RTF2: variants seen among roughly 807,000 people sequenced by gnomAD.
The protein encoded by RTF2 is replication termination factor 2.
RTF2 carries 18 observed loss-of-function variants against 38.0 expected under a neutral mutation model. The observed-to-expected ratio is 0.47, with a 90% CI of 0.33 to 0.70. The LOEUF (loss-of-function observed/expected upper bound fraction) is 0.70, where lower values mean the gene tolerates loss of function less well. RTF2 is among the 30% of genes least tolerant of loss of function. The pLI is 0.02. For missense variants in RTF2, 311 were observed against 379.6 expected (o/e 0.82, Z 1.50); for synonymous variants, 126 against 137.1 (o/e 0.92, Z 0.57).
At chr20:56,513,684 C>A in intron 6 of RTF2, 2 of 371,300 alleles carry the variant, frequency 5.4e-6, no homozygotes, top group South Asian at 2.9e-5. Flanking sequence ...TGCGAGGGCA[C>A]GGAGCTGTCA....
chr20:56,479,385 C>T (rs1324909376), intron 4 of RTF2, among the ~76,000 whole-genome samples: 1 of 152,058 alleles, frequency 6.6e-6, no homozygotes, highest in Non-Finnish European at 1.5e-5. Context: ...GCCACCGTGC[C>T]CAGCTAATGT....
rs138206274 is a variant in RTF2, at chr20:56,513,138, C to T, written c.478-177C>T. Among the ~76,000 whole-genome samples the T allele has an allele frequency of 4.1e-3, 624 of 152,314 alleles. 4 individuals carry two copies. The highest frequency in any genetic ancestry group is 0.014 in the African/African-American group (583 of 41,570). On this transcript the variant is annotated intron_variant, in intron 5 of 8. Coordinates refer to ENST00000357348, the MANE Select transcript of RTF2 (RefSeq NM_016407.5). ...AAGTGATAGCACTCTTAACCTGCTA[C>T]GCTGACACTTTGCTGTGTGCGGGAA...
chr20:56,474,363 C>G (rs1982128590), intron 2 of RTF2, among the ~76,000 whole-genome samples: 1 of 152,130 alleles, frequency 6.6e-6, no homozygotes, highest in Non-Finnish European at 1.5e-5. Flanking sequence ...CGCCTGTAAT[C>G]CCAGCTGCTC....
intron 5 of RTF2, among the ~76,000 whole-genome samples, chr20:56,484,604 C>T (rs1311515395): frequency 6.6e-6 from 1 of 152,236 alleles, no homozygotes; most frequent in East Asian, 1.9e-4. Flanking sequence ...TGCTTCCCCA[C>T]CGGACTTAGT....
At chr20:56,483,356 A>T (rs200444139) in intron 4 of RTF2, among the ~76,000 whole-genome samples, 1 of 130,966 alleles carries the variant, frequency 7.6e-6, no homozygotes, top group Non-Finnish European at 1.7e-5. Context: ...TTTTTTTTTT[A>T]AAGCGACAAG....
chr20:56,499,342 G>A lies in RTF2; in HGVS notation c.478-13973G>A, dbSNP rs564775407. On this transcript the variant is annotated intron_variant, in intron 5 of 8. Transcript: ENST00000357348. ...CTCCCAGGTGCATGCCACCATGCCCGGCTAATTTTTGTATTTTTTTAGTAG... is the reference window on the plus strand; with the variant it reads ...CTCCCAGGTGCATGCCACCATGCCCAGCTAATTTTTGTATTTTTTTAGTAG... Among the ~76,000 whole-genome samples, 8 of 151,658 alleles carry A rather than the reference G, an allele frequency of 5.3e-5. No homozygotes were observed. In the East Asian group the frequency reaches 1.4e-3, roughly 26 times the overall value.
intron 5 of RTF2, chr20:56,496,879 TCTTG>T: frequency 6.4e-7 from 1 of 1,551,796 alleles, no homozygotes; most frequent in African/African-American, 1.4e-5. Flanking sequence ...CTTTGACTTG[TCTTG>T]GATTTAATGT....
intron 5 of RTF2, among the ~76,000 whole-genome samples, chr20:56,509,543 G>A (rs1984500186): frequency 6.6e-6 from 1 of 151,692 alleles, no homozygotes; most frequent in Non-Finnish European, 1.5e-5. Context: ...AACCCAGGAG[G>A]TGGAGGTTGC....
At chr20:56,497,174 C>T (rs6099172) in intron 5 of RTF2, 1 of 1,551,080 alleles carries the variant, frequency 6.4e-7, no homozygotes, top group Non-Finnish European at 8.7e-7. Context: ...TCATTGGGGC[C>T]TTTTCATCAA....
At chr20:56,492,864 C>T (rs1460003513) in intron 5 of RTF2, among the ~76,000 whole-genome samples, 1 of 136,400 alleles carries the variant, frequency 7.3e-6, no homozygotes. Context: ...TCACACCAGC[C>T]CAGTAATCCT....
Position 56,508,756 on chromosome 20 carries a change from G to A in RTF2, c.478-4559G>A, listed in dbSNP as rs550356249. Reference sequence around the variant, plus strand: ...CATTGATTTTTGACAAAAGGGCCAAGTCAATTCGATGGGGGAAAGAATAGT... The same window carrying A: ...CATTGATTTTTGACAAAAGGGCCAAATCAATTCGATGGGGGAAAGAATAGT... On this transcript the variant is annotated intron_variant, in intron 5 of 8. Coordinates refer to ENST00000357348, the MANE Select transcript of RTF2 (RefSeq NM_016407.5). Among the ~76,000 whole-genome samples the A allele has an allele frequency of 1.3e-4, 20 of 152,332 alleles. No homozygotes were observed. The South Asian group carries it at 4.1e-3, about 32-fold the overall frequency.
chr20:56,497,399 G>A, intron 5 of RTF2: 1 of 1,549,372 alleles, frequency 6.5e-7, no homozygotes, highest in Non-Finnish European at 8.7e-7. Context: ...GAGGGGTTTT[G>A]CAAAATTTTG....
At chr20:56,503,149 G>A (rs1490417644) in intron 5 of RTF2, among the ~76,000 whole-genome samples, 3 of 152,160 alleles carry the variant, frequency 2.0e-5, no homozygotes, top group Admixed American at 1.3e-4. Flanking sequence ...TTGAAAATGT[G>A]GTGTCTCTTT....
chr20:56,505,541 C>T (rs920984669), intron 5 of RTF2, among the ~76,000 whole-genome samples: 2 of 148,884 alleles, frequency 1.3e-5, no homozygotes, highest in Non-Finnish European at 3.0e-5. Context: ...TGCACCTGGA[C>T]TAGACGGCAG....
chr20:56,511,749 C>T (rs531684739), intron 5 of RTF2, among the ~76,000 whole-genome samples: 15 of 152,250 alleles, frequency 9.9e-5, no homozygotes, highest in African/African-American at 2.9e-4. Flanking sequence ...CTCCAGACAT[C>T]GCCGAATGTC....
Position 56,513,424 on chromosome 20 carries a change from A to C in RTF2, c.587A>C (p.Glu196Ala). 1.9e-6 allele frequency: 3 copies of C among 1,590,018 alleles called. No homozygotes were observed. In the South Asian group the frequency reaches 3.4e-5, roughly 18 times the overall value. Residue 196 changes from glutamate to alanine, a missense_variant, in exon 6 of 9, where the codon GAA (glutamate) becomes GCA (alanine). Coordinates refer to ENST00000357348, the MANE Select transcript of RTF2 (RefSeq NM_016407.5). ...GAGAGAAGGCTGAGAGCGAAGCTGG[A>C]AAAGGTAATGGGAGTCTTCAGGTTC... ...MEERRLRAKL[E>A]KKTKKPKAAE...
At chr20:56,490,036 G>A (rs1258237438) in intron 5 of RTF2, among the ~76,000 whole-genome samples, 1 of 152,140 alleles carries the variant, frequency 6.6e-6, no homozygotes, top group African/African-American at 2.4e-5. Flanking sequence ...GATATCCAAG[G>A]GGAAGAAAGA....
chr20:56,504,588 C>T (rs1275025684), intron 5 of RTF2, among the ~76,000 whole-genome samples: 2 of 152,202 alleles, frequency 1.3e-5, no homozygotes, highest in Admixed American at 1.3e-4. Context: ...GGTGAGTCTG[C>T]GCCATAGCAT....
At chr20:56,510,356 G>C (rs1028126392) in intron 5 of RTF2, among the ~76,000 whole-genome samples, 12 of 152,162 alleles carry the variant, frequency 7.9e-5, no homozygotes, top group Non-Finnish European at 1.0e-4. Flanking sequence ...TGTGCTGTGA[G>C]CTAAGAGATA....
Sources: gnomAD v4.1 joint callset for allele counts (sites outside exome capture counted in the v4.1 genomes callset) on GRCh38, gnomAD v4.1.1 for gene constraint, MANE v1.5 for transcripts, NCBI Gene and HGNC (gene_info 2026-07-23, HGNC 2026-07-21) for gene names.